HDAC9: variants seen among roughly 807,000 people sequenced by gnomAD.
The protein encoded by HDAC9 is histone deacetylase 9.
In HDAC9, 41 loss-of-function variants were observed where a neutral mutation model predicts 139.4. That is an observed-to-expected ratio of 0.29 (90% CI 0.23 to 0.38). The LOEUF (loss-of-function observed/expected upper bound fraction) is 0.38, where lower values mean the gene tolerates loss of function less well. HDAC9 is among the 10% of genes least tolerant of loss of function. The probability of loss-of-function intolerance (pLI) is 1.00; values close to 1 mark genes in which losing one functional copy is unlikely to be tolerated. For synonymous variants in HDAC9, 517 were observed against 476.2 expected, an observed-to-expected ratio of 1.09 and a Z score of -1.12; for missense variants, 1,147 against 1,297.0, an observed-to-expected ratio of 0.88 and a Z score of 1.78.
At position 18,262,833 on chromosome 7, in the gene HDAC9, A is replaced by G. The variant is rs1005716653; in HGVS notation, c.25+100484A>G. ...ATAAATTGAGATAATATTAATCACC[A>G]GGGATTAAGAAAACAACTAAAATGC... On this transcript the variant is annotated intron_variant, in intron 2 of 12. Coordinates refer to the HDAC9 transcript ENST00000417496. 2.6e-5 allele frequency among the ~76,000 whole-genome samples: 4 copies of G among 152,184 alleles called. No individual in the cohort carries two copies. In the South Asian group the frequency reaches 6.2e-4, roughly 24 times the overall value.
chr7:18,639,628 G>A (rs1196468762), intron 8 of HDAC9, among the ~76,000 whole-genome samples: 1 of 151,950 alleles, frequency 6.6e-6, no homozygotes, highest in African/African-American at 2.4e-5. Context: ...AAGAAGAGTA[G>A]AAAATAAATA....
chr7:18,267,374 C>G (rs897016290), intron 2 of HDAC9, among the ~76,000 whole-genome samples: 1 of 152,074 alleles, frequency 6.6e-6, no homozygotes, highest in African/African-American at 2.4e-5. Context: ...CCATGACGTA[C>G]AATAGATCTC....
At chr7:18,179,802 T>G (rs907600522) in intron 2 of HDAC9, among the ~76,000 whole-genome samples, 1 of 152,240 alleles carries the variant, frequency 6.6e-6, no homozygotes, top group Admixed American at 6.5e-5. Flanking sequence ...TTGGAAAATA[T>G]GTCATGAATT....
intron 17 of HDAC9, among the ~76,000 whole-genome samples, chr7:18,806,188 C>G (rs1039792329): frequency 5.3e-5 from 8 of 152,176 alleles, no homozygotes; most frequent in African/African-American, 1.9e-4. Flanking sequence ...CCATTTCACC[C>G]CATTCAATAT....
intron 17 of HDAC9, among the ~76,000 whole-genome samples, chr7:18,821,042 T>C (rs1180611108): frequency 3.3e-5 from 5 of 152,148 alleles, no homozygotes; most frequent in African/African-American, 9.7e-5. Context: ...TCTTGTGAGG[T>C]CTTTCTCTGC....
chr7:18,764,930 T>C (rs746862009), intron 15 of HDAC9, among the ~76,000 whole-genome samples: 2 of 152,124 alleles, frequency 1.3e-5, no homozygotes, highest in South Asian at 2.1e-4. Context: ...GATAAAATAA[T>C]TGGATTTGAA....
intron 6 of HDAC9, among the ~76,000 whole-genome samples, chr7:18,628,116 G>A (rs575391416): frequency 1.3e-5 from 2 of 152,200 alleles, no homozygotes; most frequent in African/African-American, 2.4e-5. Flanking sequence ...TTATAACATT[G>A]TGTCTGCTCT....
At chr7:18,197,545 G>A (rs1178323) in intron 2 of HDAC9, among the ~76,000 whole-genome samples, 4 of 152,106 alleles carry the variant, frequency 2.6e-5, no homozygotes, top group Non-Finnish European at 5.9e-5. Flanking sequence ...AAGAAGTTAC[G>A]TGACAGAACA....
At chr7:18,983,160 T>C (rs1273229363) in intron 25 of HDAC9, among the ~76,000 whole-genome samples, 1 of 152,210 alleles carries the variant, frequency 6.6e-6, no homozygotes, top group East Asian at 1.9e-4. Flanking sequence ...GTTTCAGAGT[T>C]TGACTACTTT....
intron 1 of HDAC9, among the ~76,000 whole-genome samples, chr7:18,152,637 A>G (rs972741727): frequency 1.6e-4 from 25 of 152,134 alleles, no homozygotes; most frequent in African/African-American, 6.0e-4. Flanking sequence ...AATCACTGGT[A>G]TGAAATCTGG....
intron 2 of HDAC9, among the ~76,000 whole-genome samples, chr7:18,220,705 GGCAAAAGAGATGAA>G (rs1349455048): frequency 6.6e-6 from 1 of 152,176 alleles, no homozygotes; most frequent in Non-Finnish European, 1.5e-5. Flanking sequence ...TTAATTGTCA[GGCAAAAGAGATGAA>G]GCAAACTGTA....
chr7:18,896,347 T>C (rs1469570938), intron 22 of HDAC9, among the ~76,000 whole-genome samples: 1 of 152,076 alleles, frequency 6.6e-6, no homozygotes. Flanking sequence ...TTTCCAACTT[T>C]ACAGTAACTT....
chr7:18,447,754 A>G (rs138295696), intron 1 of HDAC9, among the ~76,000 whole-genome samples: 289 of 152,300 alleles, frequency 1.9e-3, no homozygotes, highest in African/African-American at 6.7e-3. Context: ...TGTGAAATCT[A>G]TGAATTTGAT....
At chr7:18,236,190 C>T (rs1011647071) in intron 2 of HDAC9, among the ~76,000 whole-genome samples, 1 of 152,164 alleles carries the variant, frequency 6.6e-6, no homozygotes, top group African/African-American at 2.4e-5. Context: ...ATCCCTGAGA[C>T]CTCCTGCAGC....
At chr7:18,762,491 ACTTTAGAATTAAC>A (rs1184191543) in intron 15 of HDAC9, among the ~76,000 whole-genome samples, 2 of 151,872 alleles carry the variant, frequency 1.3e-5, no homozygotes, top group Non-Finnish European at 2.9e-5. Flanking sequence ...CATGGTGTTT[ACTTTAGAATTAAC>A]CTTCATTTGA....
chr7:18,265,353 C>T (rs565906897), intron 2 of HDAC9, among the ~76,000 whole-genome samples: 52 of 152,264 alleles, frequency 3.4e-4, no homozygotes, highest in African/African-American at 1.1e-3. Flanking sequence ...TAGCTATCTG[C>T]TCATGCTGTT....
At chr7:18,849,416 A>G (rs921754784) in intron 21 of HDAC9, among the ~76,000 whole-genome samples, 3 of 152,198 alleles carry the variant, frequency 2.0e-5, no homozygotes, top group African/African-American at 7.2e-5. Context: ...TTCTTAGGGT[A>G]AAGTTACTGC....
intron 12 of HDAC9, among the ~76,000 whole-genome samples, chr7:18,674,693 A>G (rs761316752): frequency 6.6e-6 from 1 of 151,970 alleles, no homozygotes; most frequent in Non-Finnish European, 1.5e-5. Context: ...ATTTTCTTCC[A>G]TACTATGATT....
At chr7:18,522,423 C>A (rs920952898) in intron 2 of HDAC9, among the ~76,000 whole-genome samples, 1 of 152,086 alleles carries the variant, frequency 6.6e-6, no homozygotes, top group African/African-American at 2.4e-5. Context: ...TAAGAGTGCA[C>A]CCCTAGCTGT....
Sources: gnomAD v4.1 joint callset for allele counts (sites outside exome capture counted in the v4.1 genomes callset) on GRCh38, gnomAD v4.1.1 for gene constraint, MANE v1.5 for transcripts, NCBI Gene and HGNC (gene_info 2026-07-23, HGNC 2026-07-21) for gene names.